The following CHRNA7 variants were observed in gnomAD, a reference collection of about 807,000 sequenced individuals.
CHRNA7 encodes neuronal acetylcholine receptor subunit alpha-7.
In CHRNA7, 17 loss-of-function variants were observed where a neutral mutation model predicts 48.0. The ratio of observed to expected loss-of-function variants is 0.35; its 90% CI spans 0.24 to 0.53. The LOEUF (loss-of-function observed/expected upper bound fraction) is 0.53, where lower values mean the gene tolerates loss of function less well. Ranked by LOEUF, CHRNA7 falls within the 20% of genes least tolerant of loss-of-function variation. CHRNA7 has a pLI of 0.92. For missense variants in CHRNA7, 155 were observed against 577.7 expected (o/e 0.27, Z 7.50); for synonymous variants, 75 against 242.3 (o/e 0.31, Z 6.41).
chr15:32,084,827 C>T lies in CHRNA7; in HGVS notation c.196-16476C>T, dbSNP rs556141895. Among the ~76,000 whole-genome samples the T allele has an allele frequency of 5.0e-4, 50 of 99,836 alleles. No homozygotes were observed. In the East Asian group the frequency reaches 0.016, roughly 32 times the overall value. The allele number at this position is 99,836 out of a possible 152,430, so 65.5% of individuals were successfully genotyped here. A position where few individuals can be genotyped will look rare whatever the true frequency, so the allele number is the denominator to read the frequency against. On this transcript the variant is annotated intron_variant, in intron 2 of 9. Coordinates refer to ENST00000306901, the MANE Select transcript of CHRNA7 (RefSeq NM_000746.6). ...CATACCTATGCTCATCGGCTGACCT[C>T]TGACTCTTTTTTTTTTTTTTTTGAG...
intron 4 of CHRNA7, among the ~76,000 whole-genome samples, chr15:32,124,140 T>C (rs565373884): frequency 3.0e-4 from 46 of 152,270 alleles, no homozygotes; most frequent in African/African-American, 9.6e-4. Flanking sequence ...CTATATTGTA[T>C]ATACAGAAGG....
intron 4 of CHRNA7, among the ~76,000 whole-genome samples, chr15:32,135,317 CTATT>C (rs1255147067): frequency 6.6e-6 from 1 of 152,194 alleles, no homozygotes; most frequent in Non-Finnish European, 1.5e-5. Context: ...GTTGAAGAAT[CTATT>C]TGACTCATAT....
intron 4 of CHRNA7, among the ~76,000 whole-genome samples, chr15:32,141,048 GT>G (rs776580040): frequency 6.6e-6 from 1 of 152,138 alleles, no homozygotes; most frequent in Non-Finnish European, 1.5e-5. Context: ...GGTTTTTATG[GT>G]TTTATGTCTT....
chr15:32,157,251 T>C (rs1428319455), intron 5 of CHRNA7: 1 of 183,112 alleles, frequency 5.5e-6, no homozygotes, highest in African/African-American at 3.5e-5. Flanking sequence ...TATTTCTAAC[T>C]TCATCATCAG....
intron 2 of CHRNA7, among the ~76,000 whole-genome samples, chr15:32,084,280 A>T (rs1206573672): frequency 1.3e-5 from 2 of 152,186 alleles, no homozygotes; most frequent in African/African-American, 4.8e-5. Context: ...GAGGGGTTAT[A>T]GTTCTTTCTG....
chr15:32,053,775 T>C (rs1182873179), intron 2 of CHRNA7, among the ~76,000 whole-genome samples: 1 of 152,144 alleles, frequency 6.6e-6, no homozygotes, highest in Non-Finnish European at 1.5e-5. Flanking sequence ...ATACAAAATC[T>C]TGTATTACGG....
At chr15:32,114,059 TAC>T (rs1555383693) in intron 4 of CHRNA7, among the ~76,000 whole-genome samples, 4 of 38,354 alleles carry the variant, frequency 1.0e-4, no homozygotes, top group Admixed American at 3.7e-4. Context: ...TATATATATA[TAC>T]ATATATATAT....
chr15:32,125,239 T>C (rs1039462372), intron 4 of CHRNA7, among the ~76,000 whole-genome samples: 9 of 152,022 alleles, frequency 5.9e-5, no homozygotes, highest in African/African-American at 2.2e-4. Context: ...TGAAGTGAAA[T>C]GGAAAGAACA....
intron 2 of CHRNA7, among the ~76,000 whole-genome samples, chr15:32,088,292 A>G (rs1318779652): frequency 6.6e-6 from 1 of 152,204 alleles, no homozygotes; most frequent in Non-Finnish European, 1.5e-5. Context: ...TACTTGAATA[A>G]TATTCCATTG....
At chr15:32,079,725 G>A (rs2050187148) in intron 2 of CHRNA7, among the ~76,000 whole-genome samples, 1 of 151,396 alleles carries the variant, frequency 6.6e-6, no homozygotes, top group Non-Finnish European at 1.5e-5. Flanking sequence ...ACTGCCCAAA[G>A]TAGACAGATT....
chr15:32,136,017 C>T (rs574526476), intron 4 of CHRNA7, among the ~76,000 whole-genome samples: 48 of 152,020 alleles, frequency 3.2e-4, no homozygotes, highest in Non-Finnish European at 6.3e-4. Context: ...AAGACATTCT[C>T]GGGAAAACAT....
chr15:32,109,367 T>C (rs12443073), intron 3 of CHRNA7, among the ~76,000 whole-genome samples: 1 of 152,178 alleles, frequency 6.6e-6, no homozygotes, highest in Non-Finnish European at 1.5e-5. Flanking sequence ...TGCAACCTGT[T>C]TTATCAGCAA....
At chr15:32,060,011 C>T (rs894013708) in intron 2 of CHRNA7, among the ~76,000 whole-genome samples, 4 of 148,370 alleles carry the variant, frequency 2.7e-5, no homozygotes, top group African/African-American at 1.0e-4. Context: ...AGTTTACCAC[C>T]CACAAATTAT....
intron 2 of CHRNA7, among the ~76,000 whole-genome samples, chr15:32,057,591 A>C (rs921708133): frequency 2.6e-5 from 4 of 152,236 alleles, no homozygotes; most frequent in Admixed American, 2.0e-4. Context: ...CATTCTTTTT[A>C]AAAACAACAT....
At chr15:32,104,391 G>C (rs2050626094) in intron 3 of CHRNA7, among the ~76,000 whole-genome samples, 1 of 152,002 alleles carries the variant, frequency 6.6e-6, no homozygotes, top group Non-Finnish European at 1.5e-5. Flanking sequence ...ACTCTTCATT[G>C]AGTCTTCTTT....
chr15:32,139,666 T>C (rs2051341637), intron 4 of CHRNA7, among the ~76,000 whole-genome samples: 2 of 152,132 alleles, frequency 1.3e-5, no homozygotes, highest in Admixed American at 1.3e-4. Context: ...TTGTCTTTGC[T>C]CAGGTGTCTG....
chr15:32,038,054 A>ATG (rs937747082), intron 2 of CHRNA7, among the ~76,000 whole-genome samples: 2 of 44,372 alleles, frequency 4.5e-5, no homozygotes, highest in African/African-American at 8.9e-5. Context: ...TTTTTTGGAT[A>ATG]TGTATATATA....
intron 2 of CHRNA7, among the ~76,000 whole-genome samples, chr15:32,077,820 G>A (rs553814737): frequency 6.6e-6 from 1 of 152,200 alleles, no homozygotes; most frequent in East Asian, 1.9e-4. Flanking sequence ...AAGAGAGGAA[G>A]CAAGAGAGAA....
At chr15:32,036,846 ATG>A (rs1412110383) in intron 2 of CHRNA7, among the ~76,000 whole-genome samples, 1 of 147,542 alleles carries the variant, frequency 6.8e-6, no homozygotes, top group Non-Finnish European at 1.5e-5. Flanking sequence ...TTTATCAGGT[ATG>A]TCTTTTGCAA....
Sources: gnomAD v4.1 joint callset for allele counts (sites outside exome capture counted in the v4.1 genomes callset) on GRCh38, gnomAD v4.1.1 for gene constraint, MANE v1.5 for transcripts, NCBI Gene and HGNC (gene_info 2026-07-23, HGNC 2026-07-21) for gene names.